Variants in MED16 observed in about 807,000 individuals in gnomAD.
MED16 encodes mediator complex subunit 16, also known as mediator of RNA polymerase II transcription subunit 16.
Under a neutral mutation model 84.4 loss-of-function variants are expected in MED16, and 81 were observed. The ratio of observed to expected loss-of-function variants is 0.96; its 90% CI spans 0.80 to 1.15. The LOEUF is 1.15. MED16 is among the 50% of genes most tolerant of loss of function. MED16 has a pLI of 0.00. For synonymous variants in MED16, 897 were observed against 552.2 expected (o/e 1.62, Z -8.76); for missense variants, 1,585 against 1,245.9 (o/e 1.27, Z -4.10).
Position 872,776 on chromosome 19 carries a change from G to A in MED16, c.1906-658C>T, listed in dbSNP as rs560686713. The A allele has an allele frequency of 1.2e-4, 22 of 187,620 alleles. No individual in the cohort carries two copies. In the East Asian group the frequency reaches 3.8e-3, roughly 33 times the overall value. 11.6% of individuals were successfully genotyped at this position (187,620 alleles called of 1,614,324 possible). A position where few individuals can be genotyped will look rare whatever the true frequency, so the allele number is the denominator to read the frequency against. ...CCCCAGGCGCAGGGAGCTGGGGAGG[G>A]TAAGGGGTGGGGGCAGCAGCAGCAG... On this transcript the variant is annotated intron_variant, in intron 11 of 15. Transcript: ENST00000325464.
chr19:885,472 CCA>C (rs1439813244), intron 5 of MED16, among the ~76,000 whole-genome samples: 3 of 152,014 alleles, frequency 2.0e-5, no homozygotes, highest in Non-Finnish European at 4.4e-5. Flanking sequence ...TCCGGGGGCC[CCA>C]GTGTCCTCAC....
intron 3 of MED16, 40 bp from the exon 4 acceptor site, chr19:889,847 G>A (rs1199753617): frequency 3.2e-6 from 5 of 1,578,372 alleles, no homozygotes; most frequent in African/African-American, 1.3e-5. Flanking sequence ...TTCCAGGGAT[G>A]GGCAGAGCAC....
chr19:878,625 ACCCCAG>A (rs2036329234), intron 8 of MED16, among the ~76,000 whole-genome samples: 1 of 17,018 alleles, frequency 5.9e-5, no homozygotes, highest in African/African-American at 2.4e-4. Context: ...ACCAGCCACA[ACCCCAG>A]CCCCACGTGC....
chr19:869,900 A>G (rs1436050342), intron 13 of MED16, among the ~76,000 whole-genome samples: 1 of 152,050 alleles, frequency 6.6e-6, no homozygotes, highest in Non-Finnish European at 1.5e-5. Flanking sequence ...TGACCGCGTG[A>G]CCCCAGATGA....
In MED16 at chr19:877,306, C is replaced by G; in HGVS notation, c.1354-126G>C. On this transcript the variant is annotated intron_variant, in intron 8 of 15. Transcript: ENST00000325464. ...TGTGCGCGCACGCCCGTGTGTGGGCCTGTGTGCGCGCATGTGTCTGTAGCG... is the reference window on the plus strand; with the variant it reads ...TGTGCGCGCACGCCCGTGTGTGGGCGTGTGTGCGCGCATGTGTCTGTAGCG... 3 of 814,580 alleles carry G rather than the reference C, an allele frequency of 3.7e-6. No homozygotes were observed. In the South Asian group the frequency reaches 5.0e-5, roughly 14 times the overall value. The allele number at this position is 814,580 out of a possible 1,614,324, so 50.5% of individuals were successfully genotyped here.
In MED16 at chr19:885,148, G is replaced by A. The variant is rs181364204; in HGVS notation, c.880-140C>T. On this transcript the variant is annotated intron_variant, in intron 5 of 15. Transcript: ENST00000325464. Reference sequence around the variant, plus strand: ...CCACGCCTGCCCCTCGGGCCCTCCTGGATTCCAGCCCAGGCCTGTCCCCAG... The same window carrying A: ...CCACGCCTGCCCCTCGGGCCCTCCTAGATTCCAGCCCAGGCCTGTCCCCAG... The A allele has an allele frequency of 1.1e-3, 692 of 640,840 alleles. 6 individuals carry two copies. The African/African-American group carries it at 0.012, about 11-fold the overall frequency. 39.7% of individuals were successfully genotyped at this position (640,840 alleles called of 1,614,324 possible). A position where few individuals can be genotyped will look rare whatever the true frequency, so the allele number is the denominator to read the frequency against.
intron 8 of MED16, among the ~76,000 whole-genome samples, chr19:878,365 GCCCCAGC>G (rs1277404151): frequency 1.6e-3 from 10 of 6,404 alleles, no homozygotes; most frequent in Non-Finnish European, 1.8e-3. Flanking sequence ...ACCAGCCCCA[GCCCCAGC>G]CCCAGCCCCA....
In MED16 at chr19:892,928, CG is replaced by C. The variant is rs1428189339; in HGVS notation, c.-19+157del. On this transcript the variant is annotated intron_variant, in intron 1 of 15. Transcript: ENST00000325464. ...GCCCCGCGCCCCGCGCCCCGCGCCC[CG>C]CGCCCCGCGCCCCAGGCCGCCTACC... 6 of 144,050 alleles carry C rather than the reference CG, an allele frequency of 4.2e-5. No individual in the cohort carries two copies. In the East Asian group the frequency reaches 1.0e-3, roughly 24 times the overall value. 8.9% of individuals were successfully genotyped at this position (144,050 alleles called of 1,614,324 possible).
At chr19:869,126 T>C (rs1390104083) in intron 13 of MED16, among the ~76,000 whole-genome samples, 180 bp from the exon 14 acceptor site, 2 of 149,904 alleles carry the variant, frequency 1.3e-5, no homozygotes, top group Non-Finnish European at 3.0e-5. Context: ...ACAGGCCCAG[T>C]AAAGGGGGCG....
At position 887,826 on chromosome 19, in the gene MED16, G is replaced by A. The variant is rs115005219; in HGVS notation, c.448-1625C>T. The stretch of plus-strand genomic sequence containing the variant: ...AATGTCCAGGACAGGCAGATCCAGA[G>A]AGACAACTGGGTCTCGGGGGCTGGG... On this transcript the variant is annotated intron_variant, in intron 4 of 15. Transcript: ENST00000325464. Among the ~76,000 whole-genome samples the A allele has an allele frequency of 6.4e-3, 969 of 152,140 alleles. 10 individuals are homozygous for A. Among genetic ancestry groups the A allele is most frequent in the African/African-American group, 0.022 (923 of 41,480 alleles).
At chr19:877,530 C>A (rs1261033379) in intron 8 of MED16, among the ~76,000 whole-genome samples, 1 of 114,844 alleles carries the variant, frequency 8.7e-6, no homozygotes, top group African/African-American at 3.7e-5. Context: ...ACCCCACTGA[C>A]CTCGCTCAAC....
At chr19:885,192 A>G (rs1275679334) in intron 5 of MED16, among the ~76,000 whole-genome samples, 184 bp from the exon 6 acceptor site, 2 of 152,138 alleles carry the variant, frequency 1.3e-5, no homozygotes, top group Non-Finnish European at 2.9e-5. Context: ...ATCCACTCAC[A>G]GGAACGCAAA....
Position 868,194 on chromosome 19 carries a change from G to A in MED16, c.2541C>T (p.Ala847=), listed in dbSNP as rs1599310178. ...GCGGGCCCAGCTGGACAAAGGCAGG[G>A]GCTTCCTCAGAAGCTCTGCTGGTCA... ...ACVTSRASEE[A]PAFVQLGPQS... The change falls in exon 16 of 16, where the codon GCC becomes GCT. Residue 847 remains alanine (A), a synonymous_variant. Transcript: ENST00000325464. 4 of 1,607,230 alleles carry A rather than the reference G, an allele frequency of 2.5e-6. No homozygotes were observed. Among genetic ancestry groups the A allele is most frequent in the Non-Finnish European group, 3.4e-6 (4 of 1,177,558 alleles).
At position 871,114 on chromosome 19, in the gene MED16, C is replaced by T; in HGVS notation, c.2238G>A (p.Gln746=). 1 of 1,548,712 alleles carries T rather than the reference C, an allele frequency of 6.5e-7. No homozygotes were observed. ...DGLVSRLQPK[Q]PLRLQFGRAP... ...CCCGGCCAAACTGCAGACGAAGGGG[C>T]TGCTTGGGCTGCAGGCGGCTAACCA... The change falls in exon 13 of 16, where the codon CAG becomes CAA. Residue 746 remains glutamine (Q), a synonymous_variant. Transcript: ENST00000325464.
chr19:882,002 C>T (rs950245746), intron 6 of MED16, among the ~76,000 whole-genome samples: 11 of 152,232 alleles, frequency 7.2e-5, no homozygotes, highest in East Asian at 1.9e-4. Context: ...AGTGGGGAGA[C>T]GGCGCCACCT....
chr19:874,042 C>G (rs924486705), intron 10 of MED16, among the ~76,000 whole-genome samples: 4 of 152,200 alleles, frequency 2.6e-5, no homozygotes, highest in Non-Finnish European at 5.9e-5. Flanking sequence ...CTAACCATGA[C>G]TGTGCACACG....
chr19:873,706 C>T (rs995863591), intron 10 of MED16, 124 bp from the exon 11 acceptor site: 16 of 1,160,224 alleles, frequency 1.4e-5, no homozygotes, highest in Non-Finnish European at 1.7e-5. Flanking sequence ...AGGGGACCCA[C>T]ACCGGGAACG....
chr19:873,575 G>C lies in MED16; in HGVS notation c.1779C>G (p.Asp593Glu). ...CCGTCTTGAGGTTGATCATGACCTT[G>C]TCAATGTCTACAAGGAGACGTGGGT... Reference protein sequence around the residue: ...ICTKITDVDIDKVMINLKTEE... With the variant: ...ICTKITDVDIEKVMINLKTEE... Residue 593 changes from aspartate to glutamate, a missense_variant, in exon 11 of 16, where the codon GAC becomes GAG. By Grantham distance (45) the Asp-to-Glu change is conservative. Coordinates refer to ENST00000325464, the MANE Select transcript of MED16 (RefSeq NM_005481.3). 1 of 1,612,310 alleles carries C rather than the reference G, an allele frequency of 6.2e-7. No homozygotes were observed. The highest frequency in any genetic ancestry group is 8.5e-7 in the Non-Finnish European group (1 of 1,179,678).
intron 8 of MED16, 152 bp downstream of exon 8, chr19:879,785 C>A: frequency 1.0e-6 from 1 of 954,210 alleles, no homozygotes; most frequent in East Asian, 2.6e-5. Flanking sequence ...CGTGCCCCAG[C>A]AGCTCGCCTT....
Sources: allele counts gnomAD v4.1 joint callset (sites outside exome capture counted in the v4.1 genomes callset), GRCh38; gene constraint gnomAD v4.1.1; transcripts MANE v1.5; gene names NCBI Gene and HGNC (gene_info 2026-07-23, HGNC 2026-07-21).